SPNS3: variants seen among roughly 807,000 people sequenced by gnomAD.
The protein encoded by SPNS3 is protein spinster homolog 3.
In SPNS3, 51 loss-of-function variants were observed where a neutral mutation model predicts 54.4. The ratio of observed to expected loss-of-function variants is 0.94; its 90% CI spans 0.75 to 1.18. The LOEUF (loss-of-function observed/expected upper bound fraction) is 1.18, where lower values mean the gene tolerates loss of function less well. SPNS3 is among the 50% of genes most tolerant of loss of function. The pLI, the probability that SPNS3 is intolerant of heterozygous loss-of-function variation, is 0.00. For missense variants in SPNS3, 669 were observed against 677.4 expected (o/e 0.99, Z 0.14); for synonymous variants, 309 against 294.7 (o/e 1.05, Z -0.50).
chr17:4,475,459 G>A lies in SPNS3; in HGVS notation c.1114-3113G>A, dbSNP rs1334043339. ...TTCGAGGAACGTGCGGATGCAAAACGGACAGAAATCAGTGATGAGGGGAGT... is the reference window on the plus strand; with the variant it reads ...TTCGAGGAACGTGCGGATGCAAAACAGACAGAAATCAGTGATGAGGGGAGT... On this transcript the variant is annotated intron_variant, in intron 8 of 11. Transcript: ENST00000355530. 3.9e-5 allele frequency among the ~76,000 whole-genome samples: 6 copies of A among 152,324 alleles called. No homozygotes were observed. In the South Asian group the frequency reaches 6.2e-4, roughly 16 times the overall value.
At chr17:4,452,871 A>G (rs977291461) in intron 7 of SPNS3, 145 bp from the exon 8 acceptor site, 16 of 707,674 alleles carry the variant, frequency 2.3e-5, no homozygotes, top group Non-Finnish European at 4.6e-6. Context: ...GTTCTGGGTC[A>G]GGTCAGGGGC....
At chr17:4,474,219 T>C (rs1971929767) in intron 8 of SPNS3, among the ~76,000 whole-genome samples, 1 of 152,190 alleles carries the variant, frequency 6.6e-6, no homozygotes, top group South Asian at 2.1e-4. Flanking sequence ...CACTGGCTTG[T>C]TGGGCTGCTG....
At chr17:4,455,379 A>C (rs1270795401) in intron 8 of SPNS3, among the ~76,000 whole-genome samples, 2 of 152,226 alleles carry the variant, frequency 1.3e-5, no homozygotes, top group Non-Finnish European at 2.9e-5. Context: ...AGGATGACTG[A>C]GAACAGGCCA....
At chr17:4,451,489 G>A (rs990871086) in intron 7 of SPNS3, among the ~76,000 whole-genome samples, 1 of 152,098 alleles carries the variant, frequency 6.6e-6, no homozygotes, top group African/African-American at 2.4e-5. Context: ...GGAGAAGAGA[G>A]GGCAAGCTAC....
At chr17:4,447,058 G>T in intron 5 of SPNS3, 96 bp downstream of exon 5, 1 of 1,299,418 alleles carries the variant, frequency 7.7e-7, no homozygotes, top group Non-Finnish European at 1.1e-6. Context: ...GTAGCACCCG[G>T]CGCCATTAGG....
intron 8 of SPNS3, among the ~76,000 whole-genome samples, chr17:4,470,313 C>T (rs1971821901): frequency 6.6e-6 from 1 of 151,994 alleles, no homozygotes; most frequent in Non-Finnish European, 1.5e-5. Flanking sequence ...CCTGTAATCC[C>T]AGCTACTTGG....
chr17:4,469,185 A>G (rs1971788097), intron 8 of SPNS3, among the ~76,000 whole-genome samples: 2 of 152,074 alleles, frequency 1.3e-5, no homozygotes, highest in African/African-American at 4.8e-5. Context: ...TCTGGGCTCA[A>G]GTGGATCCTC....
chr17:4,445,184 C>T lies in SPNS3; in HGVS notation c.402+16C>T. The T allele has an allele frequency of 6.3e-7, 1 of 1,598,238 alleles. No homozygotes were observed. The highest frequency in any genetic ancestry group is 8.5e-7 in the Non-Finnish European group (1 of 1,170,518). ...CTCCCCCCGGGTACGTGTCCATGCCCCTGTCCAGGCCCCTGAGGCCCCTTC... is the reference window on the plus strand; with the variant it reads ...CTCCCCCCGGGTACGTGTCCATGCCTCTGTCCAGGCCCCTGAGGCCCCTTC... On this transcript the variant is annotated intron_variant, in intron 3 of 11. Coordinates refer to ENST00000355530, the MANE Select transcript of SPNS3 (RefSeq NM_182538.5).
chr17:4,434,080 G>A lies in SPNS3; in HGVS notation c.113G>A (p.Ser38Asn). 2 of 1,612,222 alleles carry A rather than the reference G, an allele frequency of 1.2e-6. No individual in the cohort carries two copies. The highest frequency in any genetic ancestry group is 1.3e-5 in the African/African-American group (1 of 74,996). ...CPPPITPTSW[S>N]LPPWRAYVAA... ...CCTCCCATCACGCCCACCTCCTGGA[G>A]CCTGCCCCCGTGGAGGGCCTACGTG... The change falls in exon 1 of 12, where the codon AGC becomes AAC. Residue 38 changes from serine (S) to asparagine (N), a missense_variant. Physicochemically the swap from Ser to Asn is conservative, Grantham distance 46. Coordinates refer to ENST00000355530, the MANE Select transcript of SPNS3 (RefSeq NM_182538.5).
chr17:4,434,313 G>C, intron 1 of SPNS3, 147 bp downstream of exon 1: 1 of 728,660 alleles, frequency 1.4e-6, no homozygotes, highest in Non-Finnish European at 2.1e-6. Context: ...GTGGTTTTCA[G>C]CTGTGCTCGA....
rs368748180 is a variant in SPNS3, at chr17:4,468,575, C to T, written c.1114-9997C>T. Among the ~76,000 whole-genome samples the T allele has an allele frequency of 7.4e-5, 9 of 121,202 alleles. No homozygotes were observed. The South Asian group carries it at 8.7e-4, about 12-fold the overall frequency. The allele number at this position is 121,202 out of a possible 152,430, so 79.5% of individuals were successfully genotyped here. The stretch of plus-strand genomic sequence containing the variant: ...TTGCCACTTACTGTGGGGCAGGGGG[C>T]GGTGGCGGCGGGGGAAGACTGAGGG... On this transcript the variant is annotated intron_variant, in intron 8 of 11. Coordinates refer to ENST00000355530, the MANE Select transcript of SPNS3 (RefSeq NM_182538.5).
At chr17:4,439,984 C>T (rs758434433) in intron 2 of SPNS3, among the ~76,000 whole-genome samples, 9 of 152,132 alleles carry the variant, frequency 5.9e-5, no homozygotes, top group Admixed American at 1.3e-4. Context: ...CTCAGGTCCT[C>T]GCTGTGGAGC....
intron 8 of SPNS3, among the ~76,000 whole-genome samples, chr17:4,476,654 G>A (rs1414372115): frequency 1.3e-5 from 2 of 152,152 alleles, no homozygotes; most frequent in East Asian, 1.9e-4. Context: ...GCAGCTGCCC[G>A]GGCCCCGCCT....
Position 4,435,496 on chromosome 17 carries a change from A to G in SPNS3, c.199+1330A>G, listed in dbSNP as rs553072265. ...ATAAATAAATAAATATTTTTTAAAA[A>G]TTAAGGGAGGGCACAGTGGGGGTGG... On this transcript the variant is annotated intron_variant, in intron 1 of 11. Transcript: ENST00000355530. Among the ~76,000 whole-genome samples, 121 of 147,014 alleles carry G rather than the reference A, an allele frequency of 8.2e-4. 2 individuals are homozygous for G. Among genetic ancestry groups the G allele is most frequent in the African/African-American group, 2.6e-3 (103 of 40,326 alleles).
Position 4,446,919 on chromosome 17 carries a change from C to T in SPNS3, c.578C>T (p.Ser193Leu), listed in dbSNP as rs371637406. The change falls in exon 5 of 12, where the codon TCG becomes TTG. Residue 193 changes from serine (S) to leucine (L), a missense_variant. Transcript: ENST00000355530. ...VGSGLGYVLG[S>L]AVTMLTGNWR... Reference sequence around the variant, plus strand: ...AGTGGTCTGGGCTACGTGCTGGGGTCGGCTGTGACGATGCTGACTGGGAAC... The same window carrying T: ...AGTGGTCTGGGCTACGTGCTGGGGTTGGCTGTGACGATGCTGACTGGGAAC... 3.1e-5 allele frequency: 50 copies of T among 1,613,962 alleles called. No homozygotes were observed. Among genetic ancestry groups the T allele is most frequent in the Admixed American group, 6.7e-5 (4 of 59,990 alleles).
intron 8 of SPNS3, among the ~76,000 whole-genome samples, chr17:4,469,692 A>G (rs1971805172): frequency 6.6e-6 from 1 of 150,468 alleles, no homozygotes; most frequent in South Asian, 2.1e-4. Context: ...CAGGCTGGTT[A>G]TTTAAAGCCA....
intron 8 of SPNS3, among the ~76,000 whole-genome samples, chr17:4,456,151 C>T (rs866305036): frequency 3.9e-5 from 6 of 152,014 alleles, no homozygotes; most frequent in African/African-American, 1.4e-4. Context: ...GGGGTTTTGC[C>T]ATGTTGCCCA....
chr17:4,473,106 AT>A (rs992034504), intron 8 of SPNS3, among the ~76,000 whole-genome samples: 31 of 151,696 alleles, frequency 2.0e-4, no homozygotes, highest in Admixed American at 3.3e-4. Flanking sequence ...TTGAATGTTT[AT>A]TTCACTAGGT....
In SPNS3 at chr17:4,458,646, T is replaced by TTTTCTTTCTTTCTTTCTTTCTTTCC. The variant is rs1555530864; in HGVS notation, c.1113+5443_1113+5444insTCTTTCTTTCTTTCTTTCTTTCCTT. ...CTTTCTTTCTTTCTTTCTTTCTTTCTTTCCTTCCTTCTTTCTTTCTTTCTT... is the reference window on the plus strand; with the variant it reads ...CTTTCTTTCTTTCTTTCTTTCTTTCTTTTCTTTCTTTCTTTCTTTCTTTCCTTCCTTCCTTCTTTCTTTCTTTCTT... On this transcript the variant is annotated intron_variant, in intron 8 of 11. Coordinates refer to ENST00000355530, the MANE Select transcript of SPNS3 (RefSeq NM_182538.5). Among the ~76,000 whole-genome samples the TTTTCTTTCTTTCTTTCTTTCTTTCC allele has an allele frequency of 1.4e-3, 183 of 128,180 alleles. 1 individual carries two copies. Among genetic ancestry groups the TTTTCTTTCTTTCTTTCTTTCTTTCC allele is most frequent in the Admixed American group, 2.8e-3 (33 of 11,900 alleles). The allele number at this position is 128,180 out of a possible 152,430, so 84.1% of individuals were successfully genotyped here.
Sources: allele counts gnomAD v4.1 joint callset (sites outside exome capture counted in the v4.1 genomes callset), GRCh38; gene constraint gnomAD v4.1.1; transcripts MANE v1.5; gene names NCBI Gene and HGNC (gene_info 2026-07-23, HGNC 2026-07-21).